The following MAST4 variants were observed in gnomAD, a reference collection of about 807,000 sequenced individuals.
MAST4 encodes microtubule associated serine/threonine kinase family member 4, also known as microtubule-associated serine/threonine-protein kinase 4.
In MAST4, 89 loss-of-function variants were observed where a neutral mutation model predicts 162.7. The ratio of observed to expected loss-of-function variants is 0.55; its 90% CI spans 0.46 to 0.65. The LOEUF is 0.65. Ranked by LOEUF, MAST4 falls within the 30% of genes least tolerant of loss-of-function variation. The pLI is 0.00. For missense variants in MAST4, 3,153 were observed against 3,374.0 expected (o/e 0.93, Z 1.62); for synonymous variants, 1,479 against 1,361.1 (o/e 1.09, Z -1.91).
chr5:66,945,942 A>G (rs1227742027), intron 4 of MAST4, among the ~76,000 whole-genome samples: 2 of 152,178 alleles, frequency 1.3e-5, no homozygotes, highest in Non-Finnish European at 2.9e-5. Flanking sequence ...GAGATGGCTT[A>G]TAAGGTTTAT....
intron 3 of MAST4, among the ~76,000 whole-genome samples, chr5:66,883,133 C>T (rs34794415): frequency 0.012 from 1,756 of 152,154 alleles, 29 homozygotes; most frequent in South Asian, 0.053. Flanking sequence ...AAGAAGAGGC[C>T]CATGGTTTCT....
chr5:67,064,400 G>A (rs1759985369), intron 5 of MAST4, among the ~76,000 whole-genome samples: 1 of 152,048 alleles, frequency 6.6e-6, no homozygotes. Context: ...ATAAATAATT[G>A]TTTATAGATA....
chr5:66,773,124 T>C (rs926075385), intron 2 of MAST4, among the ~76,000 whole-genome samples: 4 of 152,296 alleles, frequency 2.6e-5, no homozygotes, highest in East Asian at 1.9e-4. Flanking sequence ...AACTTCCCAG[T>C]TGGAAACTGA....
Position 67,121,087 on chromosome 5 carries a change from G to A in MAST4, c.1730G>A (p.Ser577Asn). 1.2e-6 allele frequency: 2 copies of A among 1,607,430 alleles called. No individual in the cohort carries two copies. Among genetic ancestry groups the A allele is most frequent in the Non-Finnish European group, 1.7e-6 (2 of 1,176,566 alleles). The part of the protein sequence containing the change: ...ESDFETIKLI[S>N]NGAYGAVYFV... ...GATTTTGAAACGATTAAATTGATTA[G>A]CAATGGAGCCTATGGGTGAGTAATT... Residue 577 changes from serine (S) to asparagine (N), a missense_variant, in exon 14 of 29, where the codon AGC becomes AAC. Physicochemically the swap from Ser to Asn is conservative, Grantham distance 46. Around this residue, in one of 7 missense-constraint regions of MAST4, gnomAD observed 360 missense variants for 450.0 expected, o/e 0.80. Coordinates refer to ENST00000403625, the MANE Select transcript of MAST4 (RefSeq NM_001164664.2).
intron 11 of MAST4, among the ~76,000 whole-genome samples, chr5:67,113,123 C>T (rs1766444823): frequency 6.6e-6 from 1 of 151,956 alleles, no homozygotes; most frequent in Non-Finnish European, 1.5e-5. Flanking sequence ...ACCATCCTGG[C>T]TAACTCGGTG....
chr5:67,045,520 TCAA>T (rs1403345209), intron 4 of MAST4, among the ~76,000 whole-genome samples: 4 of 152,320 alleles, frequency 2.6e-5, no homozygotes, highest in East Asian at 1.9e-4. Flanking sequence ...AACATTTCAG[TCAA>T]CAACAGACCA....
intron 3 of MAST4, among the ~76,000 whole-genome samples, chr5:66,835,064 C>T (rs985487922): frequency 1.3e-5 from 2 of 152,136 alleles, no homozygotes; most frequent in Admixed American, 6.5e-5. Flanking sequence ...TCTCTGCTCC[C>T]CTTGAAACCC....
intron 3 of MAST4, among the ~76,000 whole-genome samples, chr5:66,851,559 C>A (rs1233610927): frequency 6.6e-6 from 1 of 152,212 alleles, no homozygotes; most frequent in East Asian, 1.9e-4. Context: ...GATACTGTTG[C>A]AGCTTGCTGT....
intron 1 of MAST4, among the ~76,000 whole-genome samples, chr5:66,693,543 A>G (rs1458576920): frequency 6.6e-6 from 1 of 152,220 alleles, no homozygotes; most frequent in Non-Finnish European, 1.5e-5. Context: ...GATGAGCAAG[A>G]TGTGATTTTA....
chr5:67,151,047 C>T (rs1440822459), intron 24 of MAST4, among the ~76,000 whole-genome samples: 1 of 152,188 alleles, frequency 6.6e-6, no homozygotes, highest in Admixed American at 6.5e-5. Flanking sequence ...CAACCGAGCT[C>T]ATGTTTAAAC....
At chr5:67,088,390 A>C (rs968485560) in intron 5 of MAST4, among the ~76,000 whole-genome samples, 1 of 152,206 alleles carries the variant, frequency 6.6e-6, no homozygotes, top group Non-Finnish European at 1.5e-5. Context: ...ATTTACTGGT[A>C]GTTTGCTCTT....
intron 5 of MAST4, among the ~76,000 whole-genome samples, chr5:67,073,703 A>G (rs1581444308): frequency 6.6e-6 from 1 of 152,228 alleles, no homozygotes; most frequent in Non-Finnish European, 1.5e-5. Flanking sequence ...ATGGATGAAG[A>G]TATGTTGAAG....
At chr5:66,970,571 C>T (rs192218624) in intron 4 of MAST4, among the ~76,000 whole-genome samples, 1 of 152,148 alleles carries the variant, frequency 6.6e-6, no homozygotes, top group Non-Finnish European at 1.5e-5. Context: ...ACAGCCATTC[C>T]AGGGCCATGT....
chr5:66,860,458 A>G (rs1760016530), intron 3 of MAST4, among the ~76,000 whole-genome samples: 1 of 152,200 alleles, frequency 6.6e-6, no homozygotes, highest in Non-Finnish European at 1.5e-5. Flanking sequence ...TGGTGCTTAT[A>G]GCTATAGGTC....
chr5:67,067,307 A>G (rs1231093366), intron 5 of MAST4, among the ~76,000 whole-genome samples: 1 of 152,232 alleles, frequency 6.6e-6, no homozygotes, highest in Non-Finnish European at 1.5e-5. Flanking sequence ...TACTTTGGGC[A>G]GTTCACTCTC....
rs115678496 is a variant in MAST4 at position 66,765,636 on chromosome 5, T to A, written c.517+5774T>A. On this transcript the variant is annotated intron_variant, in intron 2 of 28. Transcript: ENST00000403625. ...AGTTAGCTTCTTAAAAAAAATCTTT[T>A]ACAATAAAATATTTTATTTAACTAT... is the stretch of plus-strand genomic sequence containing the variant. Among the ~76,000 whole-genome samples, 443 of 152,328 alleles carry A rather than the reference T, an allele frequency of 2.9e-3. 1 individual carries two copies. The highest frequency in any genetic ancestry group is 0.01 in the African/African-American group (425 of 41,580).
At chr5:66,910,432 G>T (rs777090775) in intron 4 of MAST4, among the ~76,000 whole-genome samples, 1 of 152,126 alleles carries the variant, frequency 6.6e-6, no homozygotes, top group Admixed American at 6.5e-5. Context: ...CTCTTTACCC[G>T]GGTTGTGTGG....
At position 67,118,759 on chromosome 5, in the gene MAST4, T is replaced by C. The variant is rs761055259; in HGVS notation, c.1659+10T>C. ...AGATGAATCAGTGAGTGTAAGTATA[T>C]TTCTTGATGAAATATGATGTTGGTT... On this transcript the variant is annotated intron_variant, in intron 13 of 28. Coordinates refer to ENST00000403625, the MANE Select transcript of MAST4 (RefSeq NM_001164664.2). 1 of 1,500,410 alleles carries C rather than the reference T, an allele frequency of 6.7e-7. No individual in the cohort carries two copies. The highest frequency in any genetic ancestry group is 9.1e-7 in the Non-Finnish European group (1 of 1,097,256). 92.9% of individuals were successfully genotyped at this position (1,500,410 alleles called of 1,614,324 possible). A position where few individuals can be genotyped will look rare whatever the true frequency, so the allele number is the denominator to read the frequency against.
intron 4 of MAST4, among the ~76,000 whole-genome samples, chr5:67,036,637 C>A (rs2150463457): frequency 6.6e-6 from 1 of 152,170 alleles, no homozygotes; most frequent in Non-Finnish European, 1.5e-5. Flanking sequence ...CCTATAACAC[C>A]TAATGTGATG....
Sources: gnomAD v4.1 joint callset for allele counts (sites outside exome capture counted in the v4.1 genomes callset) on GRCh38, gnomAD v4.1.1 for gene constraint, gnomAD v4.1.1 regional missense constraint, MANE v1.5 for transcripts, NCBI Gene and HGNC (gene_info 2026-07-23, HGNC 2026-07-21) for gene names.